The following PCM1 variants were observed in gnomAD, a reference collection of about 807,000 sequenced individuals.
PCM1 encodes the protein pericentriolar material 1.
In PCM1, 157 loss-of-function variants were observed where a neutral mutation model predicts 241.9. The observed-to-expected ratio is 0.65, with a 90% CI of 0.57 to 0.74. The LOEUF is 0.74. PCM1 is among the 30% of genes least tolerant of loss of function. PCM1 has a pLI of 0.00. For missense variants in PCM1, 3,478 were observed against 2,360.1 expected, an observed-to-expected ratio of 1.47 and a Z score of -9.81; for synonymous variants, 1,085 against 784.9, an observed-to-expected ratio of 1.38 and a Z score of -6.39.
chr8:17,955,797 G>C, intron 10 of PCM1, 144 bp downstream of exon 10: 1 of 673,284 alleles, frequency 1.5e-6, no homozygotes, highest in South Asian at 1.8e-5. Flanking sequence ...AGAGGCGTGT[G>C]TGTGTTGTGT....
intron 30 of PCM1, among the ~76,000 whole-genome samples, chr8:18,008,968 A>G (rs565555447): frequency 2.6e-5 from 4 of 152,334 alleles, no homozygotes; most frequent in South Asian, 2.1e-4. Context: ...ACATGATCCT[A>G]TATATCAACT....
intron 15 of PCM1, 72 bp downstream of exon 15, chr8:17,960,516 T>G (rs914539714): frequency 2.1e-6 from 2 of 945,944 alleles, no homozygotes; most frequent in Non-Finnish European, 3.0e-6. Flanking sequence ...AAAGTACTCT[T>G]TTTTGTTTTT....
chr8:18,022,952 T>C (rs750484268), intron 36 of PCM1, among the ~76,000 whole-genome samples: 3 of 152,200 alleles, frequency 2.0e-5, no homozygotes, highest in Non-Finnish European at 2.9e-5. Flanking sequence ...GTCATCCTTA[T>C]TTGGCGATGG....
chr8:17,955,588 T>G lies in PCM1; in HGVS notation c.1407T>G (p.Thr469=), dbSNP rs760156276. 6.2e-7 allele frequency: 1 copy of G among 1,613,782 alleles called. No individual in the cohort carries two copies. The highest frequency in any genetic ancestry group is 8.5e-7 in the Non-Finnish European group (1 of 1,179,710). The change falls in exon 10 of 39, where the codon ACT becomes ACG. Residue 469 remains threonine, a synonymous_variant. Transcript: ENST00000325083. ...NSLTSSVPYP[T]ASLVSQNESE... is the part of the protein sequence containing the mutation. ...TCACATCATCTGTTCCTTATCCTACTGCTTCTCTAGTATCTCAGAATGAGA... is the reference window on the plus strand; with the variant it reads ...TCACATCATCTGTTCCTTATCCTACGGCTTCTCTAGTATCTCAGAATGAGA...
At chr8:17,973,421 A>G (rs1410831060) in intron 23 of PCM1, among the ~76,000 whole-genome samples, 1 of 152,066 alleles carries the variant, frequency 6.6e-6, no homozygotes, top group Non-Finnish European at 1.5e-5. Flanking sequence ...TTAAGGAGAT[A>G]GTATTTGGTG....
intron 2 of PCM1, among the ~76,000 whole-genome samples, chr8:17,930,165 G>T (rs959049298): frequency 6.9e-6 from 1 of 145,300 alleles, no homozygotes; most frequent in Non-Finnish European, 1.5e-5. Flanking sequence ...GTGCAGTGGT[G>T]TTATCTGGGT....
intron 35 of PCM1, 116 bp downstream of exon 35, chr8:18,014,152 T>C (rs1323288379): frequency 3.1e-6 from 2 of 641,350 alleles, no homozygotes; most frequent in African/African-American, 3.8e-5. Context: ...TGAAAGTACT[T>C]TGGACCTGAT....
chr8:18,011,572 T>C, intron 33 of PCM1, 95 bp from the exon 34 acceptor site: 1 of 1,202,062 alleles, frequency 8.3e-7, no homozygotes. Flanking sequence ...ATACTGTATA[T>C]AAAGCATCTG....
In PCM1 at chr8:18,009,580, A is replaced by C. The variant is rs767998105; in HGVS notation, c.4996A>C (p.Lys1666Gln). 1.9e-6 allele frequency: 3 copies of C among 1,602,466 alleles called. No individual in the cohort carries two copies. Among genetic ancestry groups the C allele is most frequent in the Admixed American group, 3.4e-5 (2 of 58,520 alleles). ...SLAKFAGRKL[K>Q]DCGEDLLVEI... ...GGCAAAATTTGCTGGCAGAAAACTG[A>C]AAGACTGTGGAGAAGATCTTCTTGT... is the stretch of plus-strand genomic sequence containing the variant. Residue 1666 changes from lysine to glutamine, a missense_variant, in exon 31 of 39, where the codon AAA becomes CAA. Lys to Gln is a moderately conservative substitution (Grantham distance 53). Coordinates refer to ENST00000325083, the MANE Select transcript of PCM1 (RefSeq NM_006197.4).
chr8:17,959,156 T>C (rs899620016), intron 13 of PCM1, among the ~76,000 whole-genome samples: 1 of 152,220 alleles, frequency 6.6e-6, no homozygotes. Context: ...TATGTTTCTT[T>C]GTTTTTACAA....
chr8:17,978,448 A>G (rs2079515744), intron 23 of PCM1, among the ~76,000 whole-genome samples: 1 of 152,076 alleles, frequency 6.6e-6, no homozygotes, highest in African/African-American at 2.4e-5. Context: ...TTCCAAGGAA[A>G]AAGTAAAAAT....
At chr8:17,939,522 C>G (rs992299494) in intron 5 of PCM1, among the ~76,000 whole-genome samples, 169 bp from the exon 6 acceptor site, 4 of 152,070 alleles carry the variant, frequency 2.6e-5, no homozygotes, top group African/African-American at 9.7e-5. Flanking sequence ...TGATTAAAAT[C>G]TAAGCTGGAT....
intron 24 of PCM1, chr8:17,982,615 C>G (rs1275876890): frequency 1.3e-5 from 2 of 151,932 alleles, no homozygotes. Context: ...CTGCCTCAGC[C>G]CACTGAGTAG....
chr8:17,952,332 G>C (rs1430722864), intron 8 of PCM1, among the ~76,000 whole-genome samples: 1 of 152,188 alleles, frequency 6.6e-6, no homozygotes, highest in Admixed American at 6.5e-5. Context: ...GGTAGTTCTA[G>C]AAAGAAGGCA....
intron 23 of PCM1, among the ~76,000 whole-genome samples, chr8:17,976,880 T>C (rs1449421502): frequency 1.3e-5 from 2 of 151,992 alleles, no homozygotes; most frequent in African/African-American, 2.4e-5. Flanking sequence ...TTTTTTTTTT[T>C]CTCTTTTCGT....
At chr8:17,979,765 C>A (rs1201190541) in intron 23 of PCM1, among the ~76,000 whole-genome samples, 2 of 144,894 alleles carry the variant, frequency 1.4e-5, no homozygotes, top group African/African-American at 5.2e-5. Context: ...CATTTTGAGT[C>A]CCCAGAGATT....
In PCM1 at chr8:18,025,585, C is replaced by A; in HGVS notation, c.5976C>A (p.Asn1992Lys). 5 of 1,584,832 alleles carry A rather than the reference C, an allele frequency of 3.2e-6. No homozygotes were observed. The highest frequency in any genetic ancestry group is 4.3e-6 in the Non-Finnish European group (5 of 1,165,328). ...AAATGGTAGAAGAAGAACAGAAAAA[C>A]CATTTATCTGGTGAAATATGTGAAA... ...RKKMVEEEQK[N>K]HLSGEICEMQ... is the part of the protein sequence containing the mutation. The change falls in exon 38 of 39, where the codon AAC becomes AAA. Residue 1992 changes from asparagine to lysine, a missense_variant. Transcript: ENST00000325083.
intron 6 of PCM1, among the ~76,000 whole-genome samples, chr8:17,943,948 C>T (rs1389007194): frequency 1.3e-5 from 2 of 152,122 alleles, no homozygotes; most frequent in African/African-American, 2.4e-5. Context: ...TCTAGAGCTG[C>T]CTACCAAGGG....
chr8:17,930,710 C>G (rs985944179), intron 2 of PCM1, among the ~76,000 whole-genome samples: 4 of 151,888 alleles, frequency 2.6e-5, no homozygotes, highest in African/African-American at 7.2e-5. Flanking sequence ...AACCCTGTCT[C>G]TACTAAAGAT....
Sources: allele counts gnomAD v4.1 joint callset (sites outside exome capture counted in the v4.1 genomes callset), GRCh38; gene constraint gnomAD v4.1.1; transcripts MANE v1.5; gene names NCBI Gene and HGNC (gene_info 2026-07-23, HGNC 2026-07-21).